The following EDRF1 variants were observed in gnomAD, a reference collection of about 807,000 sequenced individuals.
The protein encoded by EDRF1 is erythroid differentiation regulatory factor 1, also known as erythroid differentiation-related factor 1.
In EDRF1, 69 loss-of-function variants were observed where a neutral mutation model predicts 148.7. That is an observed-to-expected ratio of 0.46 (90% CI 0.38 to 0.57). The LOEUF is 0.57. EDRF1 is among the 20% of genes least tolerant of loss of function. EDRF1 has a pLI of 0.00. For synonymous variants in EDRF1, 515 were observed against 532.8 expected (o/e 0.97, Z 0.46); for missense variants, 1,118 against 1,478.7 (o/e 0.76, Z 4.00).
chr10:125,760,341 G>A (rs1390801376), intron 24 of EDRF1, among the ~76,000 whole-genome samples: 2 of 152,174 alleles, frequency 1.3e-5, no homozygotes, highest in Non-Finnish European at 2.9e-5. Flanking sequence ...TTTTATAACT[G>A]TAACAGTCAT....
intron 8 of EDRF1, among the ~76,000 whole-genome samples, 168 bp from the exon 9 acceptor site, chr10:125,730,120 C>T (rs1160667060): frequency 6.6e-6 from 1 of 152,148 alleles, no homozygotes; most frequent in Non-Finnish European, 1.5e-5. Context: ...TTAAATATAG[C>T]ACAACCACTG....
chr10:125,738,097 G>A lies in EDRF1; in HGVS notation c.1830+108G>A, dbSNP rs554876325. The stretch of plus-strand genomic sequence containing the variant: ...GTTATTCTGAATTGTGTTCTGCTGC[G>A]ATTTTTTTTTCCTTAAGCATAAAGT... On this transcript the variant is annotated intron_variant, in intron 14 of 24. Transcript: ENST00000356792. 1.4e-4 allele frequency: 186 copies of A among 1,360,218 alleles called. 1 individual carries two copies. In the African/African-American group the frequency reaches 2.3e-3, roughly 16 times the overall value. The allele number at this position is 1,360,218 out of a possible 1,614,324, so 84.3% of individuals were successfully genotyped here.
chr10:125,725,574 T>A, intron 5 of EDRF1, 108 bp from the exon 6 acceptor site: 2 of 1,565,694 alleles, frequency 1.3e-6, no homozygotes, highest in Non-Finnish European at 1.7e-6. Flanking sequence ...TATTTCTTTT[T>A]TACAAGATGT....
chr10:125,756,849 G>A (rs1487196386), intron 24 of EDRF1: 1 of 424,412 alleles, frequency 2.4e-6, no homozygotes. Flanking sequence ...GTCTCACTCT[G>A]TCACTCAGGC....
chr10:125,719,768 C>G lies in EDRF1; in HGVS notation c.-40C>G. The G allele has an allele frequency of 6.4e-7, 1 of 1,553,354 alleles. No individual in the cohort carries two copies. Among genetic ancestry groups the G allele is most frequent in the Non-Finnish European group, 8.8e-7 (1 of 1,136,992 alleles). On this transcript the variant is annotated 5_prime_UTR_variant, in exon 1 of 25. Transcript: ENST00000356792. The stretch of plus-strand genomic sequence containing the variant: ...TGGGCCTGCGTTGCTGCTGCTGCTC[C>G]TCCGCTCCCCCGTCGTATCGCCTGC...
At chr10:125,725,535 C>A in intron 5 of EDRF1, 93 bp downstream of exon 5, 1 of 1,574,040 alleles carries the variant, frequency 6.4e-7, no homozygotes, top group Non-Finnish European at 8.7e-7. Context: ...TTAAGTTTTG[C>A]CCCTGTGATA....
chr10:125,735,919 T>G lies in EDRF1; in HGVS notation c.1758+15T>G. 1 of 1,588,922 alleles carries G rather than the reference T, an allele frequency of 6.3e-7. No individual in the cohort carries two copies. The highest frequency in any genetic ancestry group is 1.1e-5 in the South Asian group (1 of 88,488). On this transcript the variant is annotated intron_variant, in intron 13 of 24. Transcript: ENST00000356792. ...ATCAAATCAGAGTAAGCCTTTAGAA[T>G]TTATATTAAATTTTTATCAAGGAAA...
intron 6 of EDRF1, among the ~76,000 whole-genome samples, 194 bp downstream of exon 6, chr10:125,726,032 A>G (rs1265128066): frequency 6.6e-6 from 1 of 152,146 alleles, no homozygotes; most frequent in Non-Finnish European, 1.5e-5. Flanking sequence ...AATTTACAAG[A>G]GCTATTATAG....
chr10:125,735,992 T>C, intron 13 of EDRF1, 88 bp downstream of exon 13: 1 of 1,218,984 alleles, frequency 8.2e-7, no homozygotes, highest in East Asian at 2.3e-5. Context: ...ATACCATTAC[T>C]TCAATAAACC....
chr10:125,720,866 C>G (rs1241096313), intron 1 of EDRF1, among the ~76,000 whole-genome samples: 2 of 151,326 alleles, frequency 1.3e-5, no homozygotes, highest in Non-Finnish European at 2.9e-5. Flanking sequence ...ATAGGCTTTA[C>G]TAAAGTTTGC....
chr10:125,722,363 G>A lies in EDRF1; in HGVS notation c.318-705G>A, dbSNP rs528433816. On this transcript the variant is annotated intron_variant, in intron 2 of 24. Coordinates refer to ENST00000356792, the MANE Select transcript of EDRF1 (RefSeq NM_001202438.2). ...TTAATTATATTGCACCTGAGAAAACGGAAGCTGAGAAGAGCTAAATAATTT... is the reference window on the plus strand; with the variant it reads ...TTAATTATATTGCACCTGAGAAAACAGAAGCTGAGAAGAGCTAAATAATTT... Among the ~76,000 whole-genome samples, 9 of 152,240 alleles carry A rather than the reference G, an allele frequency of 5.9e-5. No homozygotes were observed. In the South Asian group the frequency reaches 8.3e-4, roughly 14 times the overall value.
chr10:125,743,176 A>T lies in EDRF1; in HGVS notation c.2490A>T (p.Pro830=), dbSNP rs1849123502. The change falls in exon 18 of 25, where the codon CCA becomes CCT. Residue 830 remains proline (P), a synonymous_variant. Coordinates refer to ENST00000356792, the MANE Select transcript of EDRF1 (RefSeq NM_001202438.2). ...TTAGTGACTTGAAAAGCCAAAATCCAGAACACTATGTACAAGTATTAAAGA... is the reference window on the plus strand; with the variant it reads ...TTAGTGACTTGAAAAGCCAAAATCCTGAACACTATGTACAAGTATTAAAGA... ...LQFSDLKSQN[P]EHYVQVLKRM... is the part of the protein sequence containing the mutation. 6.2e-7 allele frequency: 1 copy of T among 1,613,964 alleles called. No individual in the cohort carries two copies.
At position 125,719,923 on chromosome 10, in the gene EDRF1, C is replaced by G; in HGVS notation, c.108+8C>G. 1.2e-6 allele frequency: 2 copies of G among 1,610,600 alleles called. No homozygotes were observed. Among genetic ancestry groups the G allele is most frequent in the Non-Finnish European group, 1.7e-6 (2 of 1,178,012 alleles). On this transcript the variant is annotated splice_region_variant and intron_variant, in intron 1 of 24. Coordinates refer to ENST00000356792, the MANE Select transcript of EDRF1 (RefSeq NM_001202438.2). ...GAGGAATCTTCTGCACAGGTGAGTC[C>G]TCCGCGGAGGGGGACCTGCCAGGGA... is the stretch of plus-strand genomic sequence containing the variant.
At chr10:125,748,590 T>TCG (rs2133745594) in intron 21 of EDRF1, 1 of 160,256 alleles carries the variant, frequency 6.2e-6, no homozygotes, top group South Asian at 1.7e-4. Context: ...TTGTTGATTT[T>TCG]CCCCCCCCGT....
chr10:125,755,295 A>T (rs1234789102), intron 24 of EDRF1, among the ~76,000 whole-genome samples: 1 of 152,128 alleles, frequency 6.6e-6, no homozygotes, highest in Non-Finnish European at 1.5e-5. Flanking sequence ...TGTTTAGTGG[A>T]TTACGTTGAT....
In EDRF1 at chr10:125,721,393, A is replaced by G; in HGVS notation, c.298A>G (p.Lys100Glu). 6.2e-7 allele frequency: 1 copy of G among 1,614,194 alleles called. No individual in the cohort carries two copies. The highest frequency in any genetic ancestry group is 8.5e-7 in the Non-Finnish European group (1 of 1,180,034). Residue 100 changes from lysine to glutamate, a missense_variant, in exon 2 of 25, where the codon AAA becomes GAA. Physicochemically the swap from Lys to Glu is moderately conservative, Grantham distance 56. Transcript: ENST00000356792. ...AGTTILGNSKKSKPFSSFGMA... is the reference protein window; with the variant it reads ...AGTTILGNSKESKPFSSFGMA... ...AACTACCATTCTTGGCAACAGCAAG[A>G]AAAGCAAGCCATTTTCAAGGTAAAT... is the stretch of plus-strand genomic sequence containing the variant.
intron 24 of EDRF1, chr10:125,761,159 G>A: frequency 3.0e-6 from 1 of 337,420 alleles, no homozygotes; most frequent in South Asian, 2.4e-5. Flanking sequence ...AAGTTTATTA[G>A]ATTCCTATAG....
Position 125,721,355 on chromosome 10 carries a change from T to G in EDRF1, c.260T>G (p.Leu87Arg). 1.9e-6 allele frequency: 3 copies of G among 1,614,176 alleles called. No individual in the cohort carries two copies. The highest frequency in any genetic ancestry group is 2.5e-6 in the Non-Finnish European group (3 of 1,180,020). ...AACTGGTTACGAGAGAGTGCCAAAC[T>G]AGGGCCAGCAGGAACTACCATTCTT... ...PANWLRESAK[L>R]GPAGTTILGN... Residue 87 changes from leucine (L) to arginine (R), a missense_variant, in exon 2 of 25, where the codon CTA becomes CGA. By Grantham distance (102) the Leu-to-Arg change is moderately radical (BLOSUM62 -2). Coordinates refer to ENST00000356792, the MANE Select transcript of EDRF1 (RefSeq NM_001202438.2).
intron 8 of EDRF1, 106 bp downstream of exon 8, chr10:125,729,585 G>T: frequency 7.1e-7 from 1 of 1,407,788 alleles, no homozygotes; most frequent in Non-Finnish European, 1.0e-6. Context: ...TCATGCTACC[G>T]CACTCCAGCC....
Sources: gnomAD v4.1 joint callset for allele counts (sites outside exome capture counted in the v4.1 genomes callset) on GRCh38, gnomAD v4.1.1 for gene constraint, MANE v1.5 for transcripts, NCBI Gene and HGNC (gene_info 2026-07-23, HGNC 2026-07-21) for gene names.